Variants in VPS13B observed in about 807,000 individuals in gnomAD.
VPS13B encodes the protein intermembrane lipid transfer protein VPS13B.
In VPS13B, 285 loss-of-function variants were observed where a neutral mutation model predicts 426.4. That is an observed-to-expected ratio of 0.67 (90% CI 0.61 to 0.74). VPS13B has a LOEUF of 0.74. Ranked by LOEUF, VPS13B falls within the 30% of genes least tolerant of loss-of-function variation. VPS13B has a pLI of 0.00. For synonymous variants in VPS13B, 1,676 were observed against 1,676.4 expected (o/e 1.00, Z 0.01); for missense variants, 4,537 against 4,782.6 (o/e 0.95, Z 1.51).
Position 99,013,283 on chromosome 8 carries a change from G to C in VPS13B, c.-94G>C, listed in dbSNP as rs1000919819. The C allele has an allele frequency of 4.1e-6, 1 of 244,496 alleles. No individual in the cohort carries two copies. The highest frequency in any genetic ancestry group is 5.2e-5 in the Admixed American group (1 of 19,296). 15.1% of individuals were successfully genotyped at this position (244,496 alleles called of 1,614,324 possible). A position where few individuals can be genotyped will look rare whatever the true frequency, so the allele number is the denominator to read the frequency against. On this transcript the variant is annotated 5_prime_UTR_variant, in exon 1 of 62. Transcript: ENST00000357162. ...CCGGAAGTGGCGCGGTACAGGAGCA[G>C]CACTGCCGGCGGGGGCGGGTGCCAG...
At chr8:99,258,044 G>A (rs1817846890) in intron 17 of VPS13B, among the ~76,000 whole-genome samples, 2 of 150,810 alleles carry the variant, frequency 1.3e-5, no homozygotes, top group African/African-American at 4.9e-5. Context: ...TCAATGCCAT[G>A]TGTTTTTTTA....
intron 43 of VPS13B, among the ~76,000 whole-genome samples, chr8:99,808,529 G>C (rs1186842918): frequency 7.3e-6 from 1 of 137,350 alleles, no homozygotes; most frequent in East Asian, 2.1e-4. Context: ...AAAAAAAAAA[G>C]TCAGTTGTCT....
intron 22 of VPS13B, among the ~76,000 whole-genome samples, chr8:99,432,824 G>A (rs566778208): frequency 7.9e-5 from 12 of 152,156 alleles, no homozygotes; most frequent in African/African-American, 1.9e-4. Flanking sequence ...GAAGAGGGTC[G>A]AAAATATAGA....
intron 16 of VPS13B, among the ~76,000 whole-genome samples, chr8:99,181,534 A>G (rs1358618850): frequency 1.3e-5 from 2 of 152,194 alleles, no homozygotes; most frequent in Non-Finnish European, 2.9e-5. Flanking sequence ...AAAAGGGGCA[A>G]TTCTTAATTC....
intron 21 of VPS13B, among the ~76,000 whole-genome samples, chr8:99,412,921 G>A (rs1342340783): frequency 6.6e-6 from 1 of 152,174 alleles, no homozygotes; most frequent in Non-Finnish European, 1.5e-5. Flanking sequence ...ACTTGACCAT[G>A]GTGTATAAGC....
At chr8:99,473,581 A>T (rs761756292) in intron 24 of VPS13B, among the ~76,000 whole-genome samples, 26 of 152,282 alleles carry the variant, frequency 1.7e-4, no homozygotes, top group Non-Finnish European at 3.1e-4. Flanking sequence ...AAAATATTGA[A>T]TTGTTTCCCA....
At chr8:99,742,038 T>C (rs1175126078) in intron 39 of VPS13B, among the ~76,000 whole-genome samples, 6 of 152,178 alleles carry the variant, frequency 3.9e-5, no homozygotes, top group Non-Finnish European at 7.3e-5. Flanking sequence ...ATCCAGGAGC[T>C]GGTCTTTTGA....
At chr8:99,786,566 C>A (rs995848640) in intron 43 of VPS13B, among the ~76,000 whole-genome samples, 6 of 152,044 alleles carry the variant, frequency 3.9e-5, no homozygotes, top group African/African-American at 1.4e-4. Context: ...AAGTATGAAC[C>A]CTTGCAAAGT....
In VPS13B at chr8:99,819,886, T is replaced by G. The variant is rs748760013; in HGVS notation, c.8793-35T>G. The G allele has an allele frequency of 2.2e-5, 35 of 1,609,362 alleles. 1 individual carries two copies. In the South Asian group the frequency reaches 3.8e-4, roughly 18 times the overall value. On this transcript the variant is annotated intron_variant, in intron 48 of 61. Transcript: ENST00000357162. ...TTCACAAATATTAAAGTTATCATATTTCATTGAGTCTCTTGGATGTGGTTT... is the reference window on the plus strand; with the variant it reads ...TTCACAAATATTAAAGTTATCATATGTCATTGAGTCTCTTGGATGTGGTTT...
intron 33 of VPS13B, among the ~76,000 whole-genome samples, chr8:99,607,255 G>A (rs531817228): frequency 2.6e-5 from 4 of 152,240 alleles, no homozygotes; most frequent in East Asian, 1.9e-4. Flanking sequence ...AACTATTTCC[G>A]GAGCTCCTTG....
intron 17 of VPS13B, among the ~76,000 whole-genome samples, chr8:99,265,178 T>C (rs565016031): frequency 6.6e-6 from 1 of 152,304 alleles, no homozygotes; most frequent in South Asian, 2.1e-4. Context: ...CCTTTTATTA[T>C]GTTTTAAAAT....
Position 99,606,624 on chromosome 8 carries a change from C to CT in VPS13B, c.5220+28995dup, listed in dbSNP as rs1193844207. 5.9e-3 allele frequency among the ~76,000 whole-genome samples: 815 copies of CT among 137,100 alleles called. 13 individuals carry two copies. The highest frequency in any genetic ancestry group is 0.019 in the African/African-American group (739 of 38,096). The allele number at this position is 137,100 out of a possible 152,430, so 89.9% of individuals were successfully genotyped here. ...TGCCTTTTGTTTTCTTTTTCTTTTT[C>CT]TTTTCTTTTTTTTTTTTTTTTTGAG... On this transcript the variant is annotated intron_variant, in intron 33 of 61. Transcript: ENST00000357162.
At chr8:99,794,028 G>T (rs778990516) in intron 43 of VPS13B, among the ~76,000 whole-genome samples, 13 of 152,190 alleles carry the variant, frequency 8.5e-5, no homozygotes, top group Non-Finnish European at 1.6e-4. Flanking sequence ...GGAGGCTAAG[G>T]TAGGAAAGAT....
chr8:99,115,369 G>A (rs996277494), intron 6 of VPS13B, among the ~76,000 whole-genome samples: 3 of 151,928 alleles, frequency 2.0e-5, no homozygotes, highest in Non-Finnish European at 4.4e-5. Flanking sequence ...TTCTCTTAAT[G>A]TTATAGAGTA....
At chr8:99,464,650 A>G (rs1819016830) in intron 23 of VPS13B, among the ~76,000 whole-genome samples, 1 of 152,034 alleles carries the variant, frequency 6.6e-6, no homozygotes, top group African/African-American at 2.4e-5. Flanking sequence ...AATCCCCTGT[A>G]ATTTTCTTTT....
At chr8:99,717,474 A>ATTTC in intron 37 of VPS13B, 101 bp downstream of exon 37, 1 of 1,120,906 alleles carries the variant, frequency 8.9e-7, no homozygotes, top group Non-Finnish European at 1.3e-6. Context: ...GTGGTAAGAA[A>ATTTC]GGGTATTTGT....
intron 40 of VPS13B, among the ~76,000 whole-genome samples, chr8:99,767,843 C>T (rs539480967): frequency 1.3e-4 from 20 of 152,054 alleles, no homozygotes; most frequent in Non-Finnish European, 2.5e-4. Context: ...GGGAGAGGAT[C>T]CCTTGAGCCC....
intron 22 of VPS13B, among the ~76,000 whole-genome samples, chr8:99,432,331 A>G (rs1817157076): frequency 1.3e-5 from 2 of 152,258 alleles, no homozygotes; most frequent in South Asian, 4.1e-4. Flanking sequence ...GCTTAAGTCA[A>G]AGCTTTTCAC....
At chr8:99,460,465 G>A (rs898434162) in intron 23 of VPS13B, among the ~76,000 whole-genome samples, 21 of 151,966 alleles carry the variant, frequency 1.4e-4, no homozygotes, top group Admixed American at 1.2e-3. Context: ...ATATTCAGTA[G>A]CATTTTCAAG....
Sources: gnomAD v4.1 joint callset for allele counts (sites outside exome capture counted in the v4.1 genomes callset) on GRCh38, gnomAD v4.1.1 for gene constraint, MANE v1.5 for transcripts, NCBI Gene and HGNC (gene_info 2026-07-23, HGNC 2026-07-21) for gene names.